The following NEXN variants were observed in gnomAD, a reference collection of about 807,000 sequenced individuals.
The protein encoded by NEXN is nexilin F-actin binding protein.
In NEXN, 65 loss-of-function variants were observed where a neutral mutation model predicts 92.6. The observed-to-expected ratio is 0.70, with a 90% CI of 0.57 to 0.86. The LOEUF is 0.86. Ranked by LOEUF, NEXN falls within the 40% of genes least tolerant of loss-of-function variation. NEXN has a pLI of 0.00. For missense variants in NEXN, 778 were observed against 771.1 expected (o/e 1.01, Z -0.11); for synonymous variants, 254 against 242.5 (o/e 1.05, Z -0.44).
chr1:77,899,491 C>A (rs1378527735), intron 1 of NEXN, among the ~76,000 whole-genome samples: 2 of 152,112 alleles, frequency 1.3e-5, no homozygotes, highest in Non-Finnish European at 2.9e-5. Flanking sequence ...GGGAACATCA[C>A]ACTCCGGGGA....
chr1:77,921,881 T>A lies in NEXN; in HGVS notation c.448-3307T>A, dbSNP rs556673728. ...GTGAGCCAAGATTGCACCACTGTAC[T>A]CAAGCCTGGGCAACACAGCAAGACC... On this transcript the variant is annotated intron_variant, in intron 5 of 12. Transcript: ENST00000334785. Among the ~76,000 whole-genome samples, 4 of 152,128 alleles carry A rather than the reference T, an allele frequency of 2.6e-5. No homozygotes were observed. The South Asian group carries it at 8.3e-4, about 32-fold the overall frequency.
In NEXN at chr1:77,910,761, A is replaced by AC. The variant is rs1557968862; in HGVS notation, c.-52-5294_-52-5293insC. 2.4e-5 allele frequency among the ~76,000 whole-genome samples: 3 copies of AC among 125,022 alleles called. 1 individual carries two copies. The highest frequency in any genetic ancestry group is 5.8e-5 in the African/African-American group (2 of 34,600). 82.0% of individuals were successfully genotyped at this position (125,022 alleles called of 152,430 possible). ...GTGAGACTGTCTCAAAAAAAAAAAAAAAAAAAAAAACTAATAAGTTATTTT... is the reference window on the plus strand; with the variant it reads ...GTGAGACTGTCTCAAAAAAAAAAAAACAAAAAAAAAACTAATAAGTTATTTT... On this transcript the variant is annotated intron_variant, in intron 1 of 12. Transcript: ENST00000334785.
chr1:77,913,932 A>G (rs1358461154), intron 1 of NEXN, among the ~76,000 whole-genome samples: 2 of 152,242 alleles, frequency 1.3e-5, no homozygotes, highest in Non-Finnish European at 2.9e-5. Context: ...AAGCCATGAA[A>G]AACATAGAGG....
chr1:77,923,333 A>G (rs1649589836), intron 5 of NEXN, among the ~76,000 whole-genome samples: 1 of 151,878 alleles, frequency 6.6e-6, no homozygotes. Flanking sequence ...TTCTTGAGAG[A>G]AAATATAGAA....
intron 1 of NEXN, among the ~76,000 whole-genome samples, chr1:77,913,498 G>A (rs1230874896): frequency 6.6e-6 from 1 of 151,250 alleles, no homozygotes; most frequent in Non-Finnish European, 1.5e-5. Flanking sequence ...ATATGAAAAG[G>A]TGCTTTAATA....
At chr1:77,910,114 T>C (rs1420804251) in intron 1 of NEXN, among the ~76,000 whole-genome samples, 1 of 152,192 alleles carries the variant, frequency 6.6e-6, no homozygotes, top group Non-Finnish European at 1.5e-5. Flanking sequence ...ATTATCTCAA[T>C]AGACACAGAA....
chr1:77,928,433 C>T (rs1162590818), intron 8 of NEXN, among the ~76,000 whole-genome samples: 2 of 151,584 alleles, frequency 1.3e-5, no homozygotes, highest in Non-Finnish European at 2.9e-5. Flanking sequence ...ATTTTCTAGA[C>T]ATTTATTTGA....
chr1:77,916,130 T>C lies in NEXN; in HGVS notation c.24T>C (p.Ala8=). MNDISQK[A]EILLSSSKPV... is the part of the protein sequence containing the mutation. ...ACATGAATGATATTTCCCAAAAGGC[T>C]GAGGTAAGTCTCAAAAGTAAAAATA... Residue 8 remains alanine (A), a synonymous_variant, in exon 2 of 13, where the codon GCT becomes GCC. Transcript: ENST00000334785. The C allele has an allele frequency of 6.2e-7, 1 of 1,605,170 alleles. No individual in the cohort carries two copies. The highest frequency in any genetic ancestry group is 8.5e-7 in the Non-Finnish European group (1 of 1,174,664).
intron 1 of NEXN, among the ~76,000 whole-genome samples, chr1:77,903,302 C>T (rs1177048079): frequency 6.6e-6 from 1 of 150,404 alleles, no homozygotes; most frequent in Non-Finnish European, 1.5e-5. Context: ...TTTTTTTTAC[C>T]AATAATGTAT....
chr1:77,915,253 C>T (rs1030095929), intron 1 of NEXN, among the ~76,000 whole-genome samples: 2 of 151,970 alleles, frequency 1.3e-5, no homozygotes, highest in Non-Finnish European at 2.9e-5. Flanking sequence ...TTCAAGGGTA[C>T]AGTGAACTGT....
intron 1 of NEXN, among the ~76,000 whole-genome samples, chr1:77,904,926 A>G (rs941698789): frequency 3.3e-5 from 5 of 152,206 alleles, no homozygotes; most frequent in African/African-American, 1.2e-4. Flanking sequence ...TCAGTGTTAT[A>G]TTTCTCAGTG....
At chr1:77,891,747 T>TAAAAAAAAAAAAAAAAAAAA (rs373772489) in intron 1 of NEXN, among the ~76,000 whole-genome samples, 1 of 129,034 alleles carries the variant, frequency 7.7e-6, no homozygotes, top group Non-Finnish European at 1.6e-5. Flanking sequence ...GGAAAAAAAG[T>TAAAAAAAAAAAAAAAAAAAA]AAAAAAAAAA....
intron 1 of NEXN, among the ~76,000 whole-genome samples, chr1:77,907,548 AC>A (rs1461042250): frequency 5.3e-5 from 8 of 152,238 alleles, no homozygotes; most frequent in Non-Finnish European, 1.2e-4. Context: ...TTATATTTTA[AC>A]CAAAAAAGTT....
At chr1:77,899,502 C>T (rs532233646) in intron 1 of NEXN, among the ~76,000 whole-genome samples, 207 of 152,038 alleles carry the variant, frequency 1.4e-3, no homozygotes, top group Non-Finnish European at 2.2e-3. Context: ...ACTCCGGGGA[C>T]GGTTGCGGGA....
intron 1 of NEXN, among the ~76,000 whole-genome samples, chr1:77,915,027 T>C (rs1397318340): frequency 6.6e-6 from 1 of 151,924 alleles, no homozygotes; most frequent in East Asian, 1.9e-4. Context: ...CCTAAGAAAG[T>C]TGGGGGCCAG....
chr1:77,917,826 C>A, intron 3 of NEXN, 69 bp downstream of exon 3: 1 of 1,423,302 alleles, frequency 7.0e-7, no homozygotes, highest in Non-Finnish European at 9.9e-7. Flanking sequence ...TGTATTTATT[C>A]ACATTAACCA....
At chr1:77,926,342 A>T in intron 6 of NEXN, 72 bp from the exon 7 acceptor site, 1 of 966,912 alleles carries the variant, frequency 1.0e-6, no homozygotes, top group Non-Finnish European at 1.6e-6. Flanking sequence ...TTCACCTATG[A>T]TGGAGGTAAA....
chr1:77,906,188 G>A (rs115925400), intron 1 of NEXN, among the ~76,000 whole-genome samples: 2,744 of 152,164 alleles, frequency 0.018, 53 homozygotes, highest in Middle Eastern at 0.051. Context: ...AGAAAGGAGT[G>A]ACTGAGAGTA....
intron 1 of NEXN, 22 bp from the exon 2 acceptor site, chr1:77,916,033 A>G (rs905581632): frequency 2.5e-5 from 22 of 866,412 alleles, no homozygotes; most frequent in East Asian, 1.1e-4. Flanking sequence ...AAAATTTATT[A>G]TACAATATAA....
Sources: allele counts gnomAD v4.1 joint callset (sites outside exome capture counted in the v4.1 genomes callset), GRCh38; gene constraint gnomAD v4.1.1; transcripts MANE v1.5; gene names NCBI Gene and HGNC (gene_info 2026-07-23, HGNC 2026-07-21).